The following ATXN1 variants were observed in gnomAD, a reference collection of about 807,000 sequenced individuals.
ATXN1 encodes the protein ataxin-1.
Under a neutral mutation model 56.4 loss-of-function variants are expected in ATXN1, and 8 were observed. The ratio of observed to expected loss-of-function variants is 0.14; its 90% confidence interval spans 0.08 to 0.26. ATXN1 has a LOEUF of 0.26. Ranked by LOEUF, ATXN1 falls within the 10% of genes least tolerant of loss-of-function variation. The probability of loss-of-function intolerance (pLI) is 1.00; values close to 1 mark genes in which losing one functional copy is unlikely to be tolerated. For synonymous variants in ATXN1, 514 were observed against 494.6 expected (o/e 1.04, Z -0.52); for missense variants, 987 against 1,106.5 (o/e 0.89, Z 1.53).
At chr6:16,647,229 C>T (rs763284863) in intron 3 of ATXN1, among the ~76,000 whole-genome samples, 43 of 152,132 alleles carry the variant, frequency 2.8e-4, no homozygotes, top group Non-Finnish European at 2.9e-4. Context: ...GGTCTTAACC[C>T]CTGACCTTGT....
intron 4 of ATXN1, among the ~76,000 whole-genome samples, chr6:16,526,128 T>C (rs1156847970): frequency 6.6e-6 from 1 of 150,442 alleles, no homozygotes; most frequent in Admixed American, 6.6e-5. Flanking sequence ...TGTCTCATTT[T>C]TTTTACTTAT....
At chr6:16,571,277 A>G (rs1561760164) in intron 4 of ATXN1, among the ~76,000 whole-genome samples, 1 of 152,124 alleles carries the variant, frequency 6.6e-6, no homozygotes, top group Non-Finnish European at 1.5e-5. Flanking sequence ...ACCATTGACT[A>G]CCATTACAAT....
At chr6:16,713,786 G>A (rs919198715) in intron 2 of ATXN1, among the ~76,000 whole-genome samples, 10 of 152,304 alleles carry the variant, frequency 6.6e-5, no homozygotes, top group Admixed American at 5.2e-4. Flanking sequence ...TGGGCCTGGC[G>A]CCCAGAAATC....
intron 3 of ATXN1, among the ~76,000 whole-genome samples, chr6:16,632,258 C>G (rs1763517379): frequency 6.6e-6 from 1 of 152,174 alleles, no homozygotes; most frequent in African/African-American, 2.4e-5. Flanking sequence ...GAGACACATC[C>G]TGAATCAGCC....
chr6:16,630,783 T>C (rs1211798310), intron 3 of ATXN1, among the ~76,000 whole-genome samples: 1 of 152,206 alleles, frequency 6.6e-6, no homozygotes, highest in African/African-American at 2.4e-5. Flanking sequence ...ATAAAAGGAA[T>C]CTGTTCACAG....
chr6:16,443,205 G>A (rs1759554367), intron 6 of ATXN1, among the ~76,000 whole-genome samples: 1 of 50,098 alleles, frequency 2.0e-5, no homozygotes, highest in Non-Finnish European at 3.9e-5. Flanking sequence ...AAATCTATTG[G>A]AGCAAAAAAA....
Position 16,327,489 on chromosome 6 carries a change from C to G in ATXN1, c.822G>C (p.Gln274His), listed in dbSNP as rs1396490585. The G allele has an allele frequency of 6.2e-7, 1 of 1,613,128 alleles. No individual in the cohort carries two copies. Among genetic ancestry groups the G allele is most frequent in the East Asian group, 2.2e-5 (1 of 44,870 alleles). ...GGGTGAGCGTGTGTGGGATCATCGT[C>G]TGGTGGGGGTGGAGGTGGACGGGGA... Reference protein sequence around the residue: ...PAIPVHLHPHQTMIPHTLTLG... With the variant: ...PAIPVHLHPHHTMIPHTLTLG... Residue 274 changes from glutamine (Q) to histidine (H), a missense_variant, in exon 7 of 8, where the codon CAG (glutamine) becomes CAC (histidine). Transcript: ENST00000436367.
intron 4 of ATXN1, among the ~76,000 whole-genome samples, chr6:16,555,572 G>A (rs2113732976): frequency 6.6e-6 from 1 of 152,266 alleles, no homozygotes; most frequent in South Asian, 2.1e-4. Flanking sequence ...ATAAAAGAAA[G>A]TTTTGACATG....
intron 6 of ATXN1, among the ~76,000 whole-genome samples, chr6:16,373,625 TC>T (rs1408348323): frequency 6.6e-6 from 1 of 152,302 alleles, no homozygotes; most frequent in Non-Finnish European, 1.5e-5. Flanking sequence ...GGGGGCAGTT[TC>T]CCCCATACTG....
At chr6:16,656,413 C>A (rs1398450893) in intron 3 of ATXN1, among the ~76,000 whole-genome samples, 1 of 152,148 alleles carries the variant, frequency 6.6e-6, no homozygotes, top group Admixed American at 6.6e-5. Context: ...TGAGCAAGTT[C>A]TCCAAGGTGA....
At chr6:16,463,205 T>C (rs929745321) in intron 6 of ATXN1, among the ~76,000 whole-genome samples, 4 of 152,156 alleles carry the variant, frequency 2.6e-5, no homozygotes, top group Non-Finnish European at 5.9e-5. Context: ...CTTTTTAACA[T>C]ACACAACCAG....
At chr6:16,456,521 AG>A (rs1759877721) in intron 6 of ATXN1, among the ~76,000 whole-genome samples, 1 of 152,170 alleles carries the variant, frequency 6.6e-6, no homozygotes, top group Admixed American at 6.5e-5. Context: ...GGCTAAGCCT[AG>A]GGTCGACAGA....
chr6:16,441,785 T>C (rs145874329), intron 6 of ATXN1, among the ~76,000 whole-genome samples: 22 of 152,034 alleles, frequency 1.4e-4, no homozygotes, highest in African/African-American at 4.1e-4. Context: ...AGATAATCTT[T>C]GAGGAGTGCT....
intron 6 of ATXN1, among the ~76,000 whole-genome samples, chr6:16,348,449 G>C (rs1761487535): frequency 6.6e-6 from 1 of 152,054 alleles, no homozygotes; most frequent in Non-Finnish European, 1.5e-5. Flanking sequence ...TATAATCCCA[G>C]CACTTTCAGA....
intron 5 of ATXN1, among the ~76,000 whole-genome samples, chr6:16,517,239 T>C (rs1305544461): frequency 6.6e-6 from 1 of 152,242 alleles, no homozygotes; most frequent in Non-Finnish European, 1.5e-5. Context: ...TCTGGGCTTC[T>C]AAAATTCTCA....
intron 3 of ATXN1, among the ~76,000 whole-genome samples, chr6:16,644,447 G>A (rs1461737563): frequency 1.3e-5 from 2 of 151,218 alleles, no homozygotes; most frequent in African/African-American, 4.9e-5. Context: ...CCCAGGAGGC[G>A]GAGGCTGCAG....
chr6:16,570,092 C>T (rs984696910), intron 4 of ATXN1, among the ~76,000 whole-genome samples: 1 of 152,234 alleles, frequency 6.6e-6, no homozygotes, highest in Non-Finnish European at 1.5e-5. Context: ...GTTATTGCAA[C>T]ATCCTTGCCC....
chr6:16,660,956 A>C (rs914943879), intron 2 of ATXN1, among the ~76,000 whole-genome samples: 1 of 146,460 alleles, frequency 6.8e-6, no homozygotes, highest in Non-Finnish European at 1.5e-5. Flanking sequence ...CTCCTGCCTC[A>C]GGCTCCCAAG....
chr6:16,540,392 T>C (rs1315443594), intron 4 of ATXN1, among the ~76,000 whole-genome samples: 1 of 152,090 alleles, frequency 6.6e-6, no homozygotes, highest in African/African-American at 2.4e-5. Context: ...TTTATATTTT[T>C]AGTAGAGACG....
Sources: allele counts gnomAD v4.1 joint callset (sites outside exome capture counted in the v4.1 genomes callset), GRCh38; gene constraint gnomAD v4.1.1; transcripts MANE v1.5; gene names NCBI Gene and HGNC (gene_info 2026-07-23, HGNC 2026-07-21).